PPP1R16A: variants seen among roughly 807,000 people sequenced by gnomAD.
PPP1R16A encodes protein phosphatase 1 regulatory subunit 16A.
A neutral mutation model predicts 46.6 loss-of-function variants in PPP1R16A; 39 were observed. That is an observed-to-expected ratio of 0.84 (90% confidence interval 0.65 to 1.09). The LOEUF (loss-of-function observed/expected upper bound fraction) is 1.09. Ranked by LOEUF, PPP1R16A falls within the 50% of genes least tolerant of loss-of-function variation. PPP1R16A has a pLI of 0.00. For synonymous variants in PPP1R16A, 413 were observed against 321.5 expected (o/e 1.28, Z -3.04); for missense variants, 798 against 735.6 (o/e 1.08, Z -0.98).
At chr8:144,496,000 G>C (rs1031997806) in intron 2 of PPP1R16A, 1 of 152,808 alleles carries the variant, frequency 6.5e-6, no homozygotes, top group South Asian at 2.1e-4. Flanking sequence ...TATCAGTCAG[G>C]ACAGGAGGAG....
At position 144,497,436 on chromosome 8, in the gene PPP1R16A, G is replaced by A. The variant is rs751972771; in HGVS notation, c.242G>A (p.Arg81Gln). 9 of 1,612,936 alleles carry A rather than the reference G, an allele frequency of 5.6e-6. No homozygotes were observed. Among genetic ancestry groups the A allele is most frequent in the Non-Finnish European group, 6.8e-6 (8 of 1,180,008 alleles). Residue 81 changes from arginine (R) to glutamine (Q), a missense_variant, in exon 3 of 12, where the codon CGA (arginine) becomes CAA (glutamine). By Grantham distance (43) the Arg-to-Gln change is conservative. Coordinates refer to ENST00000435887, the MANE Select transcript of PPP1R16A (RefSeq NM_001329443.2). ...PSVVLLEAAA[R>Q]NDLEEVRQFL... ...GTTGTCCTTCTGGAGGCCGCTGCCC[G>A]AAATGACCTGGAAGAAGGTGAGTGT...
In PPP1R16A at chr8:144,496,684, A is replaced by G. The variant is rs1359109900; in HGVS notation, c.-511A>G. On this transcript the variant is annotated 5_prime_UTR_variant, in exon 3 of 12. An upstream start codon of the reference 5' UTR is lost. Coordinates refer to ENST00000435887, the MANE Select transcript of PPP1R16A (RefSeq NM_001329443.2). ...GCTGGGAGGGGTTGGGGGCTGGGTC[A>G]TGGCTGCTCCCAGGCCCCACCCAGG... The G allele has an allele frequency of 5.4e-6, 1 of 183,492 alleles. No individual in the cohort carries two copies. Among genetic ancestry groups the G allele is most frequent in the East Asian group, 1.4e-4 (1 of 7,282 alleles). The allele number at this position is 183,492 out of a possible 1,614,324, so 11.4% of individuals were successfully genotyped here. A position where few individuals can be genotyped will look rare whatever the true frequency, so the allele number is the denominator to read the frequency against.
At chr8:144,484,810 C>T (rs1026698316) in intron 1 of PPP1R16A, among the ~76,000 whole-genome samples, 9 of 152,212 alleles carry the variant, frequency 5.9e-5, no homozygotes, top group African/African-American at 2.2e-4. Flanking sequence ...TGCAAATGTC[C>T]AAATCACGGG....
intron 1 of PPP1R16A, chr8:144,478,572 G>A (rs115970654): frequency 0.023 from 3,607 of 158,922 alleles, 142 homozygotes; most frequent in African/African-American, 0.078. Context: ...CTCCGGAATT[G>A]TCTTCATTTT....
At chr8:144,486,504 C>T (rs1320257905) in intron 1 of PPP1R16A, among the ~76,000 whole-genome samples, 1 of 152,226 alleles carries the variant, frequency 6.6e-6, no homozygotes, top group East Asian at 1.9e-4. Context: ...CACAGGTTTT[C>T]ATCAGCTCCT....
Position 144,498,837 on chromosome 8 carries a change from C to G in PPP1R16A, c.327C>G (p.His109Gln). The G allele has an allele frequency of 6.2e-7, 1 of 1,610,244 alleles. No homozygotes were observed. Among genetic ancestry groups the G allele is most frequent in the Non-Finnish European group, 8.5e-7 (1 of 1,177,754 alleles). The change falls in exon 4 of 12, where the codon CAC (histidine) becomes CAG (glutamine). Residue 109 changes from histidine to glutamine, a missense_variant. His to Gln is a conservative substitution (Grantham distance 24). Coordinates refer to ENST00000435887, the MANE Select transcript of PPP1R16A (RefSeq NM_001329443.2). ...ACGAGGACGGCCTGACGGCCCTGCA[C>G]CAGGTCAGCCTGCACTGGGTGTGGG... is the stretch of plus-strand genomic sequence containing the variant. ...LANEDGLTALHQCCIDDFREM... is the reference protein window; with the variant it reads ...LANEDGLTALQQCCIDDFREM...
chr8:144,484,512 G>A (rs963138721), intron 1 of PPP1R16A, among the ~76,000 whole-genome samples: 5 of 152,290 alleles, frequency 3.3e-5, no homozygotes, highest in East Asian at 3.9e-4. Context: ...TTCAGTTCTC[G>A]TTGAGTCTCT....
In PPP1R16A at chr8:144,500,514, A is replaced by G. The variant is rs778930915; in HGVS notation, c.733A>G (p.Ser245Gly). ...GCACGTCGCAGCCGCCAACGGGTTCAGCGAGGCGGCTGCCCTGCTGCTGGA... is the reference window on the plus strand; with the variant it reads ...GCACGTCGCAGCCGCCAACGGGTTCGGCGAGGCGGCTGCCCTGCTGCTGGA... Reference protein sequence around the residue: ...LLHVAAANGFSEAAALLLEHR... With the variant: ...LLHVAAANGFGEAAALLLEHR... The change falls in exon 8 of 12, where the codon AGC becomes GGC. Residue 245 changes from serine to glycine, a missense_variant. Ser to Gly is a moderately conservative substitution (Grantham distance 56). Transcript: ENST00000435887. 6.3e-7 allele frequency: 1 copy of G among 1,590,186 alleles called. No individual in the cohort carries two copies. Among genetic ancestry groups the G allele is most frequent in the East Asian group, 2.2e-5 (1 of 44,456 alleles).
chr8:144,487,449 A>T (rs1290527245), intron 1 of PPP1R16A, among the ~76,000 whole-genome samples: 3 of 151,950 alleles, frequency 2.0e-5, no homozygotes, highest in African/African-American at 7.3e-5. Context: ...GGCTCACTGC[A>T]ACCTCTGCCT....
chr8:144,498,754 C>T lies in PPP1R16A; in HGVS notation c.260-16C>T, dbSNP rs374658732. On this transcript the variant is annotated splice_polypyrimidine_tract_variant and intron_variant, in intron 3 of 11. Transcript: ENST00000435887. ...CAGGGGCAGGACCCTGTCCTCACCT[C>T]GCCACCTTTTTGCAGTCCGCCAGTT... 56 of 1,566,614 alleles carry T rather than the reference C, an allele frequency of 3.6e-5. No individual in the cohort carries two copies. The highest frequency in any genetic ancestry group is 4.0e-5 in the Non-Finnish European group (46 of 1,150,012).
chr8:144,492,783 T>C (rs1286297463), intron 2 of PPP1R16A, among the ~76,000 whole-genome samples: 1 of 152,162 alleles, frequency 6.6e-6, no homozygotes, highest in Non-Finnish European at 1.5e-5. Context: ...ACCATTTCTC[T>C]GAGACTCTTC....
chr8:144,491,880 C>T (rs979155835), intron 2 of PPP1R16A, among the ~76,000 whole-genome samples: 8 of 151,248 alleles, frequency 5.3e-5, no homozygotes, highest in South Asian at 4.2e-4. Context: ...TACAGCGAGC[C>T]GTGATTGCAC....
chr8:144,499,206 A>G (rs1826266201), intron 5 of PPP1R16A, 145 bp downstream of exon 5: 14 of 1,087,620 alleles, frequency 1.3e-5, no homozygotes, highest in Non-Finnish European at 1.8e-5. Context: ...CCTGGCATGG[A>G]GAGCAGGGCC....
At position 144,501,233 on chromosome 8, in the gene PPP1R16A, A is replaced by C; in HGVS notation, c.1142A>C (p.Glu381Ala). 1.2e-6 allele frequency: 2 copies of C among 1,606,298 alleles called. No individual in the cohort carries two copies. Among genetic ancestry groups the C allele is most frequent in the Non-Finnish European group, 1.7e-6 (2 of 1,179,132 alleles). Residue 381 changes from glutamate (E) to alanine (A), a missense_variant, in exon 11 of 12, where the codon GAG becomes GCG. Glu to Ala is a moderately radical substitution (Grantham distance 107). Coordinates refer to ENST00000435887, the MANE Select transcript of PPP1R16A (RefSeq NM_001329443.2). Reference protein sequence around the residue: ...VWQQPPPTSPEPPEDNDDRQT... With the variant: ...VWQQPPPTSPAPPEDNDDRQT... The stretch of plus-strand genomic sequence containing the variant: ...CAACAGCCGCCGCCCACCAGCCCGG[A>C]GCCGCCCGAGGACAACGATGACCGC...
intron 1 of PPP1R16A, among the ~76,000 whole-genome samples, chr8:144,483,108 C>G (rs556252617): frequency 6.6e-6 from 1 of 152,148 alleles, no homozygotes; most frequent in African/African-American, 2.4e-5. Flanking sequence ...TGCGTATGTA[C>G]CCAGAAGTAG....
chr8:144,489,773 G>A (rs1019916331), intron 1 of PPP1R16A, among the ~76,000 whole-genome samples: 8 of 152,202 alleles, frequency 5.3e-5, no homozygotes, highest in East Asian at 1.9e-4. Flanking sequence ...TCCCCAGGGC[G>A]CAGCCAGACA....
intron 2 of PPP1R16A, among the ~76,000 whole-genome samples, chr8:144,492,904 G>A (rs1345596831): frequency 6.6e-6 from 1 of 152,128 alleles, no homozygotes; most frequent in Non-Finnish European, 1.5e-5. Flanking sequence ...CAGGCTGTGG[G>A]CTCTCGTCGC....
chr8:144,481,938 C>T (rs1373944239), intron 1 of PPP1R16A, among the ~76,000 whole-genome samples: 2 of 152,006 alleles, frequency 1.3e-5, no homozygotes, highest in Non-Finnish European at 2.9e-5. Context: ...CCACCATGCC[C>T]TGCTAATTTT....
Position 144,498,934 on chromosome 8 carries a change from C to G in PPP1R16A, c.349C>G (p.Arg117Gly). The G allele has an allele frequency of 6.2e-7, 1 of 1,612,872 alleles. No homozygotes were observed. The highest frequency in any genetic ancestry group is 8.5e-7 in the Non-Finnish European group (1 of 1,179,918). ...TTTGCAGTGCTGCATTGATGATTTC[C>G]GAGAGATGGTGCAGCAGCTCCTGGA... ...ALHQCCIDDFREMVQQLLEAG... is the reference protein window; with the variant it reads ...ALHQCCIDDFGEMVQQLLEAG... The change falls in exon 5 of 12, where the codon CGA becomes GGA. Residue 117 changes from arginine to glycine, a missense_variant. Transcript: ENST00000435887.
Sources: gnomAD v4.1 joint callset for allele counts (sites outside exome capture counted in the v4.1 genomes callset) on GRCh38, gnomAD v4.1.1 for gene constraint, MANE v1.5 for transcripts, NCBI Gene and HGNC (gene_info 2026-07-23, HGNC 2026-07-21) for gene names.